ZC3H12C: variants seen among roughly 807,000 people sequenced by gnomAD.
The protein encoded by ZC3H12C is probable ribonuclease ZC3H12C.
In ZC3H12C, 20 loss-of-function variants were observed where a neutral mutation model predicts 76.3. The observed-to-expected ratio is 0.26, with a 90% CI of 0.18 to 0.38. The LOEUF (loss-of-function observed/expected upper bound fraction) is 0.38. Ranked by LOEUF, ZC3H12C falls within the 10% of genes least tolerant of loss-of-function variation. ZC3H12C has a pLI of 1.00. For synonymous variants in ZC3H12C, 352 were observed against 399.6 expected (o/e 0.88, Z 1.42); for missense variants, 874 against 1,086.5 (o/e 0.80, Z 2.75).
intron 1 of ZC3H12C, among the ~76,000 whole-genome samples, chr11:110,117,958 C>CATATATATACACACATATATTAT (rs370179673): frequency 4.8e-5 from 4 of 82,756 alleles, no homozygotes; most frequent in African/African-American, 1.1e-4. Context: ...TATACACACA[C>CATATATATACACACATATATTAT]ATATATACAC....
chr11:110,149,831 G>GT lies in ZC3H12C; in HGVS notation c.774-3081dup, dbSNP rs554257328. Among the ~76,000 whole-genome samples, 492 of 152,124 alleles carry GT rather than the reference G, an allele frequency of 3.2e-3. 1 individual carries two copies. Among genetic ancestry groups the GT allele is most frequent in the African/African-American group, 0.011 (449 of 41,480 alleles). On this transcript the variant is annotated intron_variant, in intron 2 of 5. Coordinates refer to ENST00000278590, the MANE Select transcript of ZC3H12C (RefSeq NM_033390.2). ...AATCTCCTCTCCAAAGCTATGACCT[G>GT]TTTTTTTATTATGGAGTCTTTTGTA...
chr11:110,163,270 C>T lies in ZC3H12C; in HGVS notation c.1149-3C>T. On this transcript the variant is annotated splice_polypyrimidine_tract_variant and splice_region_variant and intron_variant, in intron 4 of 5. Transcript: ENST00000278590. The stretch of plus-strand genomic sequence containing the variant: ...TATCATTTTTTTATTATCTCCATGA[C>T]AGGTTCATGCCCCCTGATGACCCTC... The T allele has an allele frequency of 6.2e-7, 1 of 1,608,424 alleles. No homozygotes were observed. Among genetic ancestry groups the T allele is most frequent in the East Asian group, 2.2e-5 (1 of 44,802 alleles).
intron 1 of ZC3H12C, among the ~76,000 whole-genome samples, chr11:110,117,372 T>C (rs1010642047): frequency 5.3e-5 from 8 of 152,236 alleles, no homozygotes; most frequent in Non-Finnish European, 1.2e-4. Context: ...CATTTCTAAA[T>C]TTTTTCTCTA....
chr11:110,165,262 C>T lies in ZC3H12C; in HGVS notation c.2177C>T (p.Pro726Leu), dbSNP rs763804646. Reference protein sequence around the residue: ...GARSSCPGDYPSPPSSAHSKA... With the variant: ...GARSSCPGDYLSPPSSAHSKA... ...CGGTCCAGCTGTCCTGGCGACTACC[C>T]CTCTCCTCCAAGTTCAGCACACTCT... The change falls in exon 6 of 6, where the codon CCC becomes CTC. Residue 726 changes from proline to leucine, a missense_variant. Physicochemically the swap from Pro to Leu is moderately conservative, Grantham distance 98. This residue lies in a region of ZC3H12C where 395 missense variants were observed against 434.4 expected (regional missense o/e 0.91). Coordinates refer to ENST00000278590, the MANE Select transcript of ZC3H12C (RefSeq NM_033390.2). 2 of 1,614,008 alleles carry T rather than the reference C, an allele frequency of 1.2e-6. No individual in the cohort carries two copies. Among genetic ancestry groups the T allele is most frequent in the South Asian group, 2.2e-5 (2 of 91,090 alleles).
chr11:110,161,718 T>C (rs1227514287), intron 4 of ZC3H12C, among the ~76,000 whole-genome samples: 1 of 152,248 alleles, frequency 6.6e-6, no homozygotes, highest in Non-Finnish European at 1.5e-5. Context: ...GATGTGTTCA[T>C]TTCTGTATTA....
Position 110,170,566 on chromosome 11 carries a change from A to T in ZC3H12C, c.*4829A>T, listed in dbSNP as rs551970917. ...GCATGTTACAATGTAACTCTTTATG[A>T]GAAATAAAATGTATCTCTGCTTTGT... On this transcript the variant is annotated 3_prime_UTR_variant, in exon 6 of 6. Transcript: ENST00000278590. The T allele has an allele frequency of 6.6e-6, 1 of 152,214 alleles. No individual in the cohort carries two copies. The highest frequency in any genetic ancestry group is 2.1e-4 in the South Asian group (1 of 4,828). The allele number at this position is 152,214 out of a possible 1,614,324, so 9.4% of individuals were successfully genotyped here.
chr11:110,144,579 T>C (rs1164866888), intron 2 of ZC3H12C, among the ~76,000 whole-genome samples: 3 of 152,206 alleles, frequency 2.0e-5, no homozygotes, highest in Non-Finnish European at 4.4e-5. Context: ...AGATTTTAGA[T>C]GATTTGTGAA....
At chr11:110,116,365 C>A (rs1012652683) in intron 1 of ZC3H12C, among the ~76,000 whole-genome samples, 1 of 151,990 alleles carries the variant, frequency 6.6e-6, no homozygotes, top group Non-Finnish European at 1.5e-5. Context: ...TTTCCCTTTC[C>A]CTTTGAGAAA....
intron 3 of ZC3H12C, among the ~76,000 whole-genome samples, chr11:110,153,963 C>T (rs1210265855): frequency 6.6e-6 from 1 of 152,182 alleles, no homozygotes; most frequent in Non-Finnish European, 1.5e-5. Flanking sequence ...TTGTCCTTCT[C>T]TCTGCATCCA....
intron 2 of ZC3H12C, among the ~76,000 whole-genome samples, chr11:110,148,207 T>A (rs1007066943): frequency 3.3e-5 from 5 of 152,214 alleles, no homozygotes; most frequent in African/African-American, 1.2e-4. Flanking sequence ...CAATAATCCC[T>A]TTGAGTGGGG....
Position 110,136,880 on chromosome 11 carries a change from C to A in ZC3H12C, c.239C>A (p.Ala80Glu), listed in dbSNP as rs764220083. Residue 80 changes from alanine to glutamate, a missense_variant, in exon 2 of 6, where the codon GCG (alanine) becomes GAG (glutamate). By Grantham distance (107) the Ala-to-Glu change is moderately radical (BLOSUM62 -1). This residue lies in a region of ZC3H12C where 210 missense variants were observed against 227.1 expected (regional missense o/e 0.92). Coordinates refer to ENST00000278590, the MANE Select transcript of ZC3H12C (RefSeq NM_033390.2). ...TVNVGKDEKE[A>E]SEENASSGDS... ...AATGTGGGGAAGGATGAAAAAGAGG[C>A]GTCTGAAGAGAATGCAAGCTCTGGT... The A allele has an allele frequency of 6.2e-7, 1 of 1,613,716 alleles. No individual in the cohort carries two copies. The highest frequency in any genetic ancestry group is 8.5e-7 in the Non-Finnish European group (1 of 1,179,802).
In ZC3H12C at chr11:110,131,050, A is replaced by C. The variant is rs1861856400; in HGVS notation, c.22-5613A>C. The C allele has an allele frequency of 2.0e-6, 3 of 1,535,750 alleles. No individual in the cohort carries two copies. In the African/African-American group the frequency reaches 4.1e-5, roughly 21 times the overall value. Reference sequence around the variant, plus strand: ...GAAGTCTGCAGCTAAAATTGTGTTAAGGAGTTTACTGCTGAAGCTGCTACA... The same window carrying C: ...GAAGTCTGCAGCTAAAATTGTGTTACGGAGTTTACTGCTGAAGCTGCTACA... On this transcript the variant is annotated intron_variant, in intron 1 of 5. Transcript: ENST00000278590.
rs1190336522 is a variant in ZC3H12C at position 110,164,313 on chromosome 11, T to A, written c.1256-28T>A. ...TTTTCAGGATCTGATGGTATGCTCC[T>A]TTGCCTAATTAATTTTACTCTTCTT... On this transcript the variant is annotated intron_variant, in intron 5 of 5. Coordinates refer to ENST00000278590, the MANE Select transcript of ZC3H12C (RefSeq NM_033390.2). This position sits in a 1 kb window ranked among gnomAD's most constrained non-coding sequence, Gnocchi z 5.7. The A allele has an allele frequency of 6.5e-7, 1 of 1,545,036 alleles. No individual in the cohort carries two copies. Among genetic ancestry groups the A allele is most frequent in the Non-Finnish European group, 8.7e-7 (1 of 1,147,404 alleles).
At position 110,171,348 on chromosome 11, in the gene ZC3H12C, T is replaced by G. The variant is rs1399988251; in HGVS notation, c.*5611T>G. On this transcript the variant is annotated 3_prime_UTR_variant, in exon 6 of 6. Transcript: ENST00000278590. ...AGGTTATTGATTTTATCTTTTCCTTTCAGGGTTTTGTCCTCCCAAACCAGA... is the reference window on the plus strand; with the variant it reads ...AGGTTATTGATTTTATCTTTTCCTTGCAGGGTTTTGTCCTCCCAAACCAGA... 3 of 152,214 alleles carry G rather than the reference T, an allele frequency of 2.0e-5. No homozygotes were observed. The highest frequency in any genetic ancestry group is 4.4e-5 in the Non-Finnish European group (3 of 68,032). 9.4% of individuals were successfully genotyped at this position (152,214 alleles called of 1,614,324 possible).
At chr11:110,156,186 A>G (rs1057486668) in intron 3 of ZC3H12C, among the ~76,000 whole-genome samples, 5 of 109,554 alleles carry the variant, frequency 4.6e-5, no homozygotes, top group Non-Finnish European at 1.0e-4. Context: ...TTATAACCCC[A>G]GGGTAATAAT....
rs1360362096 is a variant in ZC3H12C, at chr11:110,166,836, G to A, written c.*1099G>A. Reference sequence around the variant, plus strand: ...ACTGCACTATAGAGAAATGGTGATGGAGGAGTTGTAAATGGTAACTTAAAA... The same window carrying A: ...ACTGCACTATAGAGAAATGGTGATGAAGGAGTTGTAAATGGTAACTTAAAA... On this transcript the variant is annotated 3_prime_UTR_variant, in exon 6 of 6. Transcript: ENST00000278590. 1 of 152,180 alleles carries A rather than the reference G, an allele frequency of 6.6e-6. No individual in the cohort carries two copies. Among genetic ancestry groups the A allele is most frequent in the Non-Finnish European group, 1.5e-5 (1 of 68,034 alleles). The allele number at this position is 152,180 out of a possible 1,614,324, so 9.4% of individuals were successfully genotyped here. A position where few individuals can be genotyped will look rare whatever the true frequency, so the allele number is the denominator to read the frequency against.
chr11:110,161,149 C>T (rs970093379), intron 4 of ZC3H12C, among the ~76,000 whole-genome samples: 1 of 152,180 alleles, frequency 6.6e-6, no homozygotes, highest in African/African-American at 2.4e-5. Flanking sequence ...CAGCCAGTGA[C>T]ATCATGGTTT....
At chr11:110,132,048 A>G (rs1861876344) in intron 1 of ZC3H12C, among the ~76,000 whole-genome samples, 1 of 152,200 alleles carries the variant, frequency 6.6e-6, no homozygotes, top group Admixed American at 6.5e-5. Context: ...AGACTGCAGC[A>G]GTAGGTATTT....
At chr11:110,125,814 A>T (rs1193359178) in intron 1 of ZC3H12C, among the ~76,000 whole-genome samples, 1 of 152,218 alleles carries the variant, frequency 6.6e-6, no homozygotes, top group Non-Finnish European at 1.5e-5. Context: ...GAGTAACATG[A>T]CTTCAGCTGT....
Sources: gnomAD v4.1 joint callset for allele counts (sites outside exome capture counted in the v4.1 genomes callset) on GRCh38, gnomAD v4.1.1 for gene constraint, gnomAD v4.1.1 regional missense constraint, Gnocchi (gnomAD v3.1) non-coding constraint, MANE v1.5 for transcripts, NCBI Gene and HGNC (gene_info 2026-07-23, HGNC 2026-07-21) for gene names.